Variants in CRACR2A observed in about 807,000 individuals in gnomAD.
CRACR2A encodes EF-hand calcium-binding domain-containing protein 4B.
Under a neutral mutation model 90.5 loss-of-function variants are expected in CRACR2A, and 79 were observed. The observed-to-expected ratio is 0.87, with a 90% CI of 0.73 to 1.05. The LOEUF (loss-of-function observed/expected upper bound fraction) is 1.05. Among genes scored for constraint, CRACR2A ranks in the 50% least tolerant of loss-of-function variants. CRACR2A has a pLI of 0.00. For synonymous variants in CRACR2A, 338 were observed against 356.7 expected, an observed-to-expected ratio of 0.95 and a Z score of 0.59; for missense variants, 823 against 897.2, an observed-to-expected ratio of 0.92 and a Z score of 1.06.
intron 1 of CRACR2A, among the ~76,000 whole-genome samples, chr12:3,751,404 A>T (rs139311192): frequency 2.6e-3 from 397 of 152,296 alleles, no homozygotes; most frequent in Non-Finnish European, 4.5e-3. Context: ...ACCCAGGTGC[A>T]GATGACATGT....
chr12:3,688,768 C>A (rs116919124), intron 4 of CRACR2A, among the ~76,000 whole-genome samples: 6 of 152,130 alleles, frequency 3.9e-5, no homozygotes, highest in South Asian at 2.1e-4. Flanking sequence ...ATGTATAAAT[C>A]GCTTTAGGCA....
intron 3 of CRACR2A, among the ~76,000 whole-genome samples, chr12:3,700,694 A>T (rs1205221725): frequency 1.3e-5 from 2 of 152,250 alleles, no homozygotes; most frequent in Non-Finnish European, 2.9e-5. Flanking sequence ...GTCTAATAGC[A>T]GAGCTTCAAA....
intron 10 of CRACR2A, among the ~76,000 whole-genome samples, chr12:3,651,982 G>A (rs148516679): frequency 1.3e-5 from 2 of 152,100 alleles, no homozygotes; most frequent in Admixed American, 6.5e-5. Context: ...CATGCTCTCC[G>A]GGCCCCAGCA....
rs1363368572 is a variant in CRACR2A at position 3,653,375 on chromosome 12, G to C, written c.1046+837C>G. 2.6e-5 allele frequency among the ~76,000 whole-genome samples: 4 copies of C among 152,202 alleles called. No homozygotes were observed. The East Asian group carries it at 7.7e-4, about 29-fold the overall frequency. On this transcript the variant is annotated intron_variant, in intron 10 of 19. Transcript: ENST00000440314. ...GCACGGTACCTAGCACAAAATAAAT[G>C]TTTGCCAAATGAATAAGTCATTGAC...
chr12:3,675,994 T>C (rs1256636288), intron 6 of CRACR2A, among the ~76,000 whole-genome samples: 2 of 152,036 alleles, frequency 1.3e-5, no homozygotes, highest in East Asian at 1.9e-4. Context: ...TGATCAGTTA[T>C]CTGGTCATCT....
intron 2 of CRACR2A, among the ~76,000 whole-genome samples, chr12:3,722,672 A>G (rs1006046534): frequency 6.6e-6 from 1 of 152,214 alleles, no homozygotes; most frequent in Non-Finnish European, 1.5e-5. Context: ...TCCTTGCCTT[A>G]TTAGAATAGC....
chr12:3,712,860 T>C (rs1946026912), intron 3 of CRACR2A, among the ~76,000 whole-genome samples: 1 of 152,076 alleles, frequency 6.6e-6, no homozygotes, highest in African/African-American at 2.4e-5. Context: ...GAACTGGCTC[T>C]GTGAGTGACC....
At chr12:3,670,339 C>T (rs1273834176) in intron 7 of CRACR2A, among the ~76,000 whole-genome samples, 3 of 152,278 alleles carry the variant, frequency 2.0e-5, no homozygotes, top group East Asian at 3.9e-4. Context: ...CCAGAACCCG[C>T]TCTTCTTGGG....
At chr12:3,631,084 G>A (rs1002011782) in intron 15 of CRACR2A, among the ~76,000 whole-genome samples, 1 of 152,216 alleles carries the variant, frequency 6.6e-6, no homozygotes, top group African/African-American at 2.4e-5. Flanking sequence ...GCAGCCTGCA[G>A]GTGGCTGGTG....
intron 3 of CRACR2A, among the ~76,000 whole-genome samples, chr12:3,700,744 A>G (rs1945823103): frequency 6.6e-6 from 1 of 152,364 alleles, no homozygotes; most frequent in Non-Finnish European, 1.5e-5. Flanking sequence ...AAGGAAAAAT[A>G]GCAAAGTCAC....
chr12:3,619,866 C>T (rs1565459671), intron 17 of CRACR2A, among the ~76,000 whole-genome samples: 1 of 152,240 alleles, frequency 6.6e-6, no homozygotes, highest in Admixed American at 6.5e-5. Context: ...CTCCTGATTG[C>T]ACATAAGCTT....
intron 7 of CRACR2A, among the ~76,000 whole-genome samples, chr12:3,664,549 T>A (rs1399942988): frequency 6.6e-6 from 1 of 152,196 alleles, no homozygotes; most frequent in Non-Finnish European, 1.5e-5. Flanking sequence ...TGGATGGAAT[T>A]TTTTTATTAC....
chr12:3,707,136 T>G (rs1945938536), intron 3 of CRACR2A, among the ~76,000 whole-genome samples: 1 of 152,122 alleles, frequency 6.6e-6, no homozygotes, highest in South Asian at 2.1e-4. Context: ...ACCAGCCATA[T>G]AAAGGGGCAG....
chr12:3,748,853 G>T (rs903286253), intron 1 of CRACR2A, among the ~76,000 whole-genome samples: 102 of 152,306 alleles, frequency 6.7e-4, no homozygotes, highest in African/African-American at 2.1e-3. Flanking sequence ...TCATCCGGAT[G>T]ACGTCATGCT....
At chr12:3,686,679 G>A (rs1188134596) in intron 4 of CRACR2A, among the ~76,000 whole-genome samples, 3 of 152,020 alleles carry the variant, frequency 2.0e-5, no homozygotes, top group Non-Finnish European at 2.9e-5. Flanking sequence ...CCCCCGTGAA[G>A]CTTCTAGGGT....
intron 12 of CRACR2A, among the ~76,000 whole-genome samples, chr12:3,644,049 C>CATATATATATATATATATATATAT (rs71441831): frequency 5.2e-5 from 7 of 133,652 alleles, no homozygotes; most frequent in African/African-American, 1.9e-4. Flanking sequence ...TTCTACGACT[C>CATATATATATATATATATATATAT]ATATATATAT....
At chr12:3,721,551 C>T (rs1946175476) in intron 2 of CRACR2A, among the ~76,000 whole-genome samples, 1 of 147,336 alleles carries the variant, frequency 6.8e-6, no homozygotes, top group Non-Finnish European at 1.5e-5. Flanking sequence ...CACCACTGTA[C>T]TCCAGTCTGG....
At chr12:3,628,058 TTTCCCTCCCTCTCTCCCTCTCTCC>T (rs1565463169) in intron 15 of CRACR2A, among the ~76,000 whole-genome samples, 1 of 114,900 alleles carries the variant, frequency 8.7e-6, no homozygotes, top group Non-Finnish European at 1.7e-5. Context: ...TCTCTCTCTC[TTTCCCTCCCTCTCTCCCTCTCTCC>T]TTCCCTCCCT....
rs1427492571 is a variant in CRACR2A at position 3,627,176 on chromosome 12, C to G, written c.1932+260G>C. Among the ~76,000 whole-genome samples, 3 of 152,270 alleles carry G rather than the reference C, an allele frequency of 2.0e-5. No homozygotes were observed. In the East Asian group the frequency reaches 5.8e-4, roughly 29 times the overall value. ...GGCCCAGCAATGACACAGCTACTGG[C>G]ATAATCTGGATTTTCAGTGTCCCTC... On this transcript the variant is annotated intron_variant, in intron 17 of 19. Coordinates refer to ENST00000440314, the MANE Select transcript of CRACR2A (RefSeq NM_001144958.2).
Sources: allele counts gnomAD v4.1 joint callset (sites outside exome capture counted in the v4.1 genomes callset), GRCh38; gene constraint gnomAD v4.1.1; transcripts MANE v1.5; gene names NCBI Gene and HGNC (gene_info 2026-07-23, HGNC 2026-07-21).